The following SART3 variants were observed in gnomAD, a reference collection of about 807,000 sequenced individuals.
The protein encoded by SART3 is spliceosome associated factor 3, U4/U6 recycling protein, also known as HIV-1 Tat-interacting protein of 110kDa.
SART3 carries 44 observed loss-of-function variants against 122.3 expected under a neutral mutation model. That is an observed-to-expected ratio of 0.36 (90% CI 0.28 to 0.46). The LOEUF (loss-of-function observed/expected upper bound fraction) is 0.46, where lower values mean the gene tolerates loss of function less well. Ranked by LOEUF, SART3 falls within the 20% of genes least tolerant of loss-of-function variation. SART3 has a pLI of 1.00. For synonymous variants in SART3, 442 were observed against 454.0 expected (o/e 0.97, Z 0.34); for missense variants, 1,101 against 1,229.0 (o/e 0.90, Z 1.56).
chr12:108,531,982 C>CA, intron 13 of SART3: 1 of 496,620 alleles, frequency 2.0e-6, no homozygotes, highest in Non-Finnish European at 3.7e-6. Context: ...CAGTCCCCCC[C>CA]ACAGAGAATT....
chr12:108,524,707 T>C, intron 17 of SART3: 1 of 611,288 alleles, frequency 1.6e-6, no homozygotes, highest in East Asian at 2.8e-5. Context: ...TCCCGAGTGC[T>C]GCTATGCACT....
At chr12:108,527,431 A>G (rs1872435161) in intron 15 of SART3, among the ~76,000 whole-genome samples, 1 of 152,142 alleles carries the variant, frequency 6.6e-6, no homozygotes, top group Admixed American at 6.5e-5. Flanking sequence ...TGGATGCCGC[A>G]TCTCTTCCCC....
intron 18 of SART3, 35 bp downstream of exon 18, chr12:108,524,281 C>T (rs926061188): frequency 3.2e-6 from 5 of 1,582,682 alleles, no homozygotes; most frequent in African/African-American, 1.3e-5. Flanking sequence ...CCAGCCAGGA[C>T]GAAGTTTGCA....
At chr12:108,540,100 C>T (rs537383304) in intron 6 of SART3, among the ~76,000 whole-genome samples, 32 of 152,284 alleles carry the variant, frequency 2.1e-4, no homozygotes, top group Non-Finnish European at 4.0e-4. Context: ...AGCCAGTCCA[C>T]ACATGGACCT....
chr12:108,523,545 G>T lies in SART3; in HGVS notation c.2804C>A (p.Ala935Asp). 6.2e-7 allele frequency: 1 copy of T among 1,613,968 alleles called. No homozygotes were observed. Among genetic ancestry groups the T allele is most frequent in the Non-Finnish European group, 8.5e-7 (1 of 1,179,996 alleles). Residue 935 changes from alanine to aspartate, a missense_variant, in exon 19 of 19, where the codon GCC becomes GAC. This residue lies in a region of SART3 where 885 missense variants were observed against 1,080.1 expected (regional missense o/e 0.82). Transcript: ENST00000546815. ...TGGGGCGGCAACTGCAGGAGCCGCGGCAGGGCCGTTCTCAGCCTGAGGAGC... is the reference window on the plus strand; with the variant it reads ...TGGGGCGGCAACTGCAGGAGCCGCGTCAGGGCCGTTCTCAGCCTGAGGAGC... The part of the protein sequence containing the change: ...AAAPQAENGP[A>D]AAPAVAAPAA...
At chr12:108,536,962 A>G in intron 9 of SART3, 177 bp from the exon 10 acceptor site, 1 of 656,178 alleles carries the variant, frequency 1.5e-6, no homozygotes, top group Non-Finnish European at 2.7e-6. Context: ...AAGAAATTTG[A>G]ACAGAATAGA....
In SART3 at chr12:108,526,437, G is replaced by C; in HGVS notation, c.2032C>G (p.Pro678Ala). 1.9e-6 allele frequency: 3 copies of C among 1,614,140 alleles called. No homozygotes were observed. The highest frequency in any genetic ancestry group is 2.5e-6 in the Non-Finnish European group (3 of 1,180,036). ...GCTGCCTTCTCCTTCTGCTTCGAAG[G>C]GGGCTCCACATCTACGGCAGCACAT... ...GKCAAVDVEP[P>A]SKQKEKAASL... Residue 678 changes from proline to alanine, a missense_variant, in exon 16 of 19, where the codon CCT (proline) becomes GCT (alanine). Coordinates refer to ENST00000546815, the MANE Select transcript of SART3 (RefSeq NM_014706.4).
At chr12:108,556,060 A>G (rs1389826504) in intron 1 of SART3, among the ~76,000 whole-genome samples, 1 of 151,712 alleles carries the variant, frequency 6.6e-6, no homozygotes, top group Non-Finnish European at 1.5e-5. Flanking sequence ...ACCTATGACT[A>G]TGACCCCCAG....
intron 1 of SART3, among the ~76,000 whole-genome samples, chr12:108,550,785 C>T (rs2029973773): frequency 6.6e-6 from 1 of 152,036 alleles, no homozygotes; most frequent in Non-Finnish European, 1.5e-5. Flanking sequence ...TTGCTTGAAC[C>T]CGGGAGGCGG....
At position 108,532,549 on chromosome 12, in the gene SART3, T is replaced by C. The variant is rs985722233; in HGVS notation, c.1557-215A>G. ...CCTGAAGCACTCTCTCCCTCAGCCA[T>C]GTAGGGGCTACTGGAAAGTGTACCT... On this transcript the variant is annotated intron_variant, in intron 12 of 18. Coordinates refer to ENST00000546815, the MANE Select transcript of SART3 (RefSeq NM_014706.4). 32 of 508,658 alleles carry C rather than the reference T, an allele frequency of 6.3e-5. No individual in the cohort carries two copies. The Middle Eastern group carries it at 2.2e-3, about 35-fold the overall frequency. 31.5% of individuals were successfully genotyped at this position (508,658 alleles called of 1,614,324 possible).
At chr12:108,524,555 C>T (rs367835916) in intron 17 of SART3, 49 bp from the exon 18 acceptor site, 54 of 1,559,970 alleles carry the variant, frequency 3.5e-5, no homozygotes, top group East Asian at 3.1e-4. Context: ...AGACTAGGGA[C>T]GCAACCTCCT....
At chr12:108,546,542 A>G (rs1873429745) in intron 3 of SART3, among the ~76,000 whole-genome samples, 1 of 145,546 alleles carries the variant, frequency 6.9e-6, no homozygotes, top group East Asian at 2.0e-4. Flanking sequence ...TTTTTTTGAG[A>G]CAGAGTCTCA....
chr12:108,556,753 T>A (rs1283872423), intron 1 of SART3, among the ~76,000 whole-genome samples: 4 of 152,220 alleles, frequency 2.6e-5, no homozygotes, highest in Non-Finnish European at 5.9e-5. Flanking sequence ...TAACCGCAGT[T>A]TGGGATGTTT....
intron 12 of SART3, among the ~76,000 whole-genome samples, chr12:108,533,306 A>G (rs910935288): frequency 1.2e-4 from 18 of 152,094 alleles, no homozygotes; most frequent in Admixed American, 4.6e-4. Flanking sequence ...TCAAGGCAGT[A>G]GAAATCTTTT....
chr12:108,545,047 G>A, intron 4 of SART3, 92 bp downstream of exon 4: 1 of 1,277,322 alleles, frequency 7.8e-7, no homozygotes, highest in African/African-American at 1.5e-5. Context: ...TGAACTGCAA[G>A]ATTCATCATG....
intron 12 of SART3, 117 bp downstream of exon 12, chr12:108,535,242 T>C: frequency 1.2e-6 from 1 of 803,332 alleles, no homozygotes; most frequent in Non-Finnish European, 2.2e-6. Flanking sequence ...AGAGACAGAA[T>C]GAAAGAAAAC....
intron 1 of SART3, among the ~76,000 whole-genome samples, chr12:108,552,810 C>T (rs2030065044): frequency 6.6e-6 from 1 of 152,132 alleles, no homozygotes; most frequent in African/African-American, 2.4e-5. Context: ...AAAATCCCAA[C>T]AAGGTTTTTT....
At chr12:108,536,638 T>A in intron 10 of SART3, 66 bp from the exon 11 acceptor site, 1 of 1,605,178 alleles carries the variant, frequency 6.2e-7, no homozygotes, top group South Asian at 1.1e-5. Flanking sequence ...GCTGAAAAGG[T>A]ACATCAACCA....
At chr12:108,533,436 A>G (rs888625856) in intron 12 of SART3, among the ~76,000 whole-genome samples, 1 of 152,114 alleles carries the variant, frequency 6.6e-6, no homozygotes, top group Admixed American at 6.5e-5. Flanking sequence ...AAGCTAATCA[A>G]GTCATTTTTT....
Sources: gnomAD v4.1 joint callset for allele counts (sites outside exome capture counted in the v4.1 genomes callset) on GRCh38, gnomAD v4.1.1 for gene constraint, gnomAD v4.1.1 regional missense constraint, MANE v1.5 for transcripts, NCBI Gene and HGNC (gene_info 2026-07-23, HGNC 2026-07-21) for gene names.